IL1RL2: variants seen among roughly 807,000 people sequenced by gnomAD.
IL1RL2 encodes the protein interleukin 1 receptor like 2.
Under a neutral mutation model 66.8 loss-of-function variants are expected in IL1RL2, and 68 were observed. That is an observed-to-expected ratio of 1.02 (90% CI 0.84 to 1.25). IL1RL2 has a LOEUF of 1.25. Ranked by LOEUF, IL1RL2 falls within the 50% of genes most tolerant of loss-of-function variation. The pLI is 0.00. For synonymous variants in IL1RL2, 305 were observed against 264.6 expected, an observed-to-expected ratio of 1.15 and a Z score of -1.48; for missense variants, 729 against 709.3, an observed-to-expected ratio of 1.03 and a Z score of -0.32.
At position 102,189,276 on chromosome 2, in the gene IL1RL2, T is replaced by A. The variant is rs759666244; in HGVS notation, c.259T>A (p.Trp87Arg). ...ETWILFLPME[W>R]GDSGVYQCVI... ...TTGGATTTTGTTTCTCCCCATGGAATGGGGGGACTCAGGAGTCTACCAATG... is the reference window on the plus strand; with the variant it reads ...TTGGATTTTGTTTCTCCCCATGGAAAGGGGGGACTCAGGAGTCTACCAATG... The change falls in exon 3 of 12, where the codon TGG (tryptophan) becomes AGG (arginine). Residue 87 changes from tryptophan (W) to arginine (R), a missense_variant. Coordinates refer to ENST00000264257, the MANE Select transcript of IL1RL2 (RefSeq NM_003854.4). 6.2e-7 allele frequency: 1 copy of A among 1,613,312 alleles called. No homozygotes were observed. The highest frequency in any genetic ancestry group is 8.5e-7 in the Non-Finnish European group (1 of 1,179,622).
intron 9 of IL1RL2, 44 bp from the exon 10 acceptor site, chr2:102,232,919 A>G (rs1286381143): frequency 6.3e-7 from 1 of 1,582,072 alleles, no homozygotes. Flanking sequence ...ACATGAGAGA[A>G]TTTGGTAGCA....
At position 102,239,367 on chromosome 2, in the gene IL1RL2, A is replaced by C; in HGVS notation, c.*126A>C. Reference sequence around the variant, plus strand: ...GCATTCTAGACACCCAGTTGAGCTCAGGCGTAGAGAAGAGGAGGATGGGAT... The same window carrying C: ...GCATTCTAGACACCCAGTTGAGCTCCGGCGTAGAGAAGAGGAGGATGGGAT... On this transcript the variant is annotated 3_prime_UTR_variant, in exon 12 of 12. Transcript: ENST00000264257. The C allele has an allele frequency of 1.3e-4, 109 of 854,392 alleles. No homozygotes were observed. Among genetic ancestry groups the C allele is most frequent in the Middle Eastern group, 4.5e-4 (2 of 4,464 alleles). 52.9% of individuals were successfully genotyped at this position (854,392 alleles called of 1,614,324 possible). A position where few individuals can be genotyped will look rare whatever the true frequency, so the allele number is the denominator to read the frequency against.
At chr2:102,192,170 C>A in intron 4 of IL1RL2, 50 bp downstream of exon 4, 1 of 1,302,376 alleles carries the variant, frequency 7.7e-7, no homozygotes, top group Non-Finnish European at 1.1e-6. Context: ...CTTTAAAACC[C>A]ACTGTTTTTT....
intron 6 of IL1RL2, among the ~76,000 whole-genome samples, chr2:102,215,523 A>G (rs1264113533): frequency 1.3e-5 from 2 of 152,066 alleles, no homozygotes; most frequent in South Asian, 4.1e-4. Flanking sequence ...TAGCCAGCAG[A>G]CCTACTCTGC....
rs199729456 is a variant in IL1RL2, at chr2:102,187,925, G to T, written c.58G>T (p.Asp20Tyr). The T allele has an allele frequency of 3.7e-5, 59 of 1,613,984 alleles. No individual in the cohort carries two copies. The South Asian group carries it at 6.1e-4, about 17-fold the overall frequency. ...CGCCCTTCCACTGTCTGTCACAGCA[G>T]GTACGTTCCGTGTGTCCTCCGTTCC... ...SIALPLSVTA[D>Y]GCKDIFMKNE... The change falls in exon 2 of 12, where the codon GAT (aspartate) becomes TAT (tyrosine). Residue 20 changes from aspartate (D) to tyrosine (Y), a missense_variant and splice_region_variant. Coordinates refer to ENST00000264257, the MANE Select transcript of IL1RL2 (RefSeq NM_003854.4).
intron 5 of IL1RL2, among the ~76,000 whole-genome samples, chr2:102,203,418 A>G (rs900185848): frequency 6.6e-6 from 1 of 151,628 alleles, no homozygotes; most frequent in Non-Finnish European, 1.5e-5. Context: ...TGAATTTGGT[A>G]GTATCTTCTC....
At chr2:102,232,885 G>T in intron 9 of IL1RL2, 78 bp from the exon 10 acceptor site, 1 of 1,514,334 alleles carries the variant, frequency 6.6e-7, no homozygotes, top group Non-Finnish European at 9.0e-7. Context: ...CACCATGGTA[G>T]CCGCTCAGGC....
intron 11 of IL1RL2, among the ~76,000 whole-genome samples, chr2:102,237,611 A>C (rs1212835762): frequency 1.3e-5 from 2 of 152,248 alleles, no homozygotes; most frequent in Non-Finnish European, 2.9e-5. Context: ...TCCATGAGGA[A>C]TAACGACTCT....
At position 102,201,598 on chromosome 2, in the gene IL1RL2, A is replaced by G; in HGVS notation, c.532A>G (p.Thr178Ala). Residue 178 changes from threonine to alanine, a missense_variant, in exon 5 of 12, where the codon ACC becomes GCC. Coordinates refer to ENST00000264257, the MANE Select transcript of IL1RL2 (RefSeq NM_003854.4). ...AGGGGAGCGGTTCACTGTTTTGGAA[A>G]CCAGGCTTTTGGTGAGCAATGTCTC... The part of the protein sequence containing the change: ...IKGERFTVLE[T>A]RLLVSNVSAE... The G allele has an allele frequency of 6.2e-7, 1 of 1,614,122 alleles. No homozygotes were observed. Among genetic ancestry groups the G allele is most frequent in the Non-Finnish European group, 8.5e-7 (1 of 1,180,004 alleles).
intron 11 of IL1RL2, chr2:102,236,087 C>A: frequency 6.3e-6 from 2 of 318,408 alleles, no homozygotes; most frequent in South Asian, 1.2e-4. Flanking sequence ...TCCAATGAGC[C>A]AATGTGCCCT....
chr2:102,214,284 T>G (rs1178497062), intron 6 of IL1RL2, among the ~76,000 whole-genome samples: 2 of 152,204 alleles, frequency 1.3e-5, no homozygotes, highest in Non-Finnish European at 1.5e-5. Context: ...TGGTTTCTAC[T>G]TAGAAATTTT....
intron 4 of IL1RL2, 37 bp from the exon 5 acceptor site, chr2:102,201,519 T>C: frequency 6.3e-7 from 1 of 1,585,858 alleles, no homozygotes; most frequent in East Asian, 2.2e-5. Flanking sequence ...GGTTTCTAAG[T>C]ATTCATTGAA....
chr2:102,213,959 T>C (rs1415908150), intron 6 of IL1RL2, among the ~76,000 whole-genome samples: 1 of 152,136 alleles, frequency 6.6e-6, no homozygotes, highest in Admixed American at 6.5e-5. Context: ...TGGGAAAGCT[T>C]ATATAAAACA....
chr2:102,195,611 T>TTCTTTCTTTCTTTCTTTC (rs1432293929), intron 4 of IL1RL2, among the ~76,000 whole-genome samples: 1 of 17,670 alleles, frequency 5.7e-5, no homozygotes, highest in African/African-American at 1.5e-4. Flanking sequence ...CTTTCTTTCT[T>TTCTTTCTTTCTTTCTTTC]TCTTTCTTTC....
chr2:102,242,638 G>T (rs1355168067), downstream of IL1RL2, among the ~76,000 whole-genome samples: 3 of 152,162 alleles, frequency 2.0e-5, no homozygotes, highest in Non-Finnish European at 2.9e-5. Context: ...TTCTATTCAG[G>T]CCTTGAAGGG....
chr2:102,233,060 G>T lies in IL1RL2; in HGVS notation c.1233G>T (p.Glu411Asp). Residue 411 changes from glutamate (E) to aspartate (D), a missense_variant, in exon 10 of 12, where the codon GAG (glutamate) becomes GAT (aspartate). Physicochemically the swap from Glu to Asp is conservative, Grantham distance 45 (BLOSUM62 2). Transcript: ENST00000264257. ...CCCTGGTGTTGAATATCCTGCCCGA[G>T]GTGTTGGAGAGACAATGTGGATATA... Reference protein sequence around the residue: ...VDALVLNILPEVLERQCGYKL... With the variant: ...VDALVLNILPDVLERQCGYKL... 1 of 1,614,162 alleles carries T rather than the reference G, an allele frequency of 6.2e-7. No homozygotes were observed. Among genetic ancestry groups the T allele is most frequent in the South Asian group, 1.1e-5 (1 of 91,080 alleles).
At chr2:102,224,354 T>A (rs1012761591) in intron 8 of IL1RL2, among the ~76,000 whole-genome samples, 1 of 152,210 alleles carries the variant, frequency 6.6e-6, no homozygotes, top group African/African-American at 2.4e-5. Context: ...AAAGAAATTC[T>A]GTCATAGATG....
intron 4 of IL1RL2, among the ~76,000 whole-genome samples, chr2:102,196,095 G>A (rs910367218): frequency 3.9e-5 from 6 of 152,142 alleles, no homozygotes; most frequent in African/African-American, 1.4e-4. Flanking sequence ...CTGAAATGTT[G>A]CCTTGGCTAT....
chr2:102,212,803 C>T (rs1689286951), intron 6 of IL1RL2, among the ~76,000 whole-genome samples: 1 of 151,948 alleles, frequency 6.6e-6, no homozygotes, highest in East Asian at 1.9e-4. Flanking sequence ...CCTGTCTTTA[C>T]TAAAAAATAC....
Sources: allele counts gnomAD v4.1 joint callset (sites outside exome capture counted in the v4.1 genomes callset), GRCh38; gene constraint gnomAD v4.1.1; transcripts MANE v1.5; gene names NCBI Gene and HGNC (gene_info 2026-07-23, HGNC 2026-07-21).